The following TEX9 variants were observed in gnomAD, a reference collection of about 807,000 sequenced individuals.
TEX9 encodes the protein testis-expressed protein 9.
TEX9 carries 74 observed loss-of-function variants against 59.6 expected under a neutral mutation model. The observed-to-expected ratio is 1.24, with a 90% CI of 1.03 to 1.51. The LOEUF is 1.51. Among genes scored for constraint, TEX9 ranks in the 40% most tolerant of loss-of-function variants. The pLI is 0.00. For missense variants in TEX9, 522 were observed against 447.8 expected, an observed-to-expected ratio of 1.17 and a Z score of -1.49; for synonymous variants, 186 against 152.2, an observed-to-expected ratio of 1.22 and a Z score of -1.64.
At chr15:56,449,786 A>G (rs1303505758), downstream of TEX9, among the ~76,000 whole-genome samples, 1 of 152,192 alleles carries the variant, frequency 6.6e-6, no homozygotes, top group Non-Finnish European at 1.5e-5. Flanking sequence ...AGTTTGGTAA[A>G]ATGTGCTAAG....
At chr15:56,438,910 C>T (rs1287187628) in intron 12 of TEX9, among the ~76,000 whole-genome samples, 1 of 152,112 alleles carries the variant, frequency 6.6e-6, no homozygotes, top group Non-Finnish European at 1.5e-5. Context: ...CTACTCTCAT[C>T]ACTCTTCTTC....
At chr15:56,456,302 T>C in the TEX9 span, 4 of 1,218,710 alleles carry the variant, frequency 3.3e-6, no homozygotes, top group Non-Finnish European at 4.5e-6. Flanking sequence ...TGAAATGACA[T>C]AAACAAAGAA....
At chr15:56,343,933 GC>G (rs1567092773) in intron 1 of TEX9, among the ~76,000 whole-genome samples, 1 of 152,082 alleles carries the variant, frequency 6.6e-6, no homozygotes, top group African/African-American at 2.4e-5. Flanking sequence ...AACATCTTTA[GC>G]CATCAGGAAA....
At chr15:56,392,738 G>A (rs1337724015) in intron 7 of TEX9, among the ~76,000 whole-genome samples, 1 of 152,146 alleles carries the variant, frequency 6.6e-6, no homozygotes, top group African/African-American at 2.4e-5. Context: ...GTTATGGTAA[G>A]GGAAGGTAAA....
intron 1 of TEX9, among the ~76,000 whole-genome samples, chr15:56,304,502 A>G (rs908532982): frequency 7.2e-5 from 11 of 152,128 alleles, no homozygotes; most frequent in African/African-American, 1.9e-4. Flanking sequence ...AAATGATTAT[A>G]TGGTTTTTGT....
At chr15:56,384,528 G>A (rs900813669) in intron 4 of TEX9, among the ~76,000 whole-genome samples, 5 of 152,174 alleles carry the variant, frequency 3.3e-5, no homozygotes, top group Admixed American at 6.5e-5. Flanking sequence ...TAGAAAAAAG[G>A]ATCTTTCTTC....
chr15:56,383,134 A>G (rs1316490707), intron 3 of TEX9, among the ~76,000 whole-genome samples: 1 of 152,132 alleles, frequency 6.6e-6, no homozygotes, highest in Non-Finnish European at 1.5e-5. Flanking sequence ...ATGGGTACTC[A>G]AAGTCTCCGC....
intron 10 of TEX9, among the ~76,000 whole-genome samples, chr15:56,423,797 G>T (rs1228211522): frequency 6.6e-6 from 1 of 151,940 alleles, no homozygotes; most frequent in East Asian, 1.9e-4. Context: ...CAATCGTTTT[G>T]GGGGAACAGG....
At chr15:56,255,326 G>C (rs1413452587) in intron 1 of TEX9, among the ~76,000 whole-genome samples, 4 of 152,052 alleles carry the variant, frequency 2.6e-5, no homozygotes, top group African/African-American at 9.7e-5. Flanking sequence ...AGAGATAGGA[G>C]GTAAGTTCTA....
chr15:56,270,449 T>G (rs1490795483), intron 1 of TEX9, among the ~76,000 whole-genome samples: 3 of 152,196 alleles, frequency 2.0e-5, no homozygotes, highest in Non-Finnish European at 2.9e-5. Context: ...GTCTGTTTTA[T>G]CAGAGACCAA....
chr15:56,392,869 C>T (rs2048283905), intron 7 of TEX9, among the ~76,000 whole-genome samples: 1 of 152,072 alleles, frequency 6.6e-6, no homozygotes, highest in African/African-American at 2.4e-5. Flanking sequence ...TAGAACTTTG[C>T]CTCCCTGTGT....
chr15:56,262,497 G>A (rs778835808), intron 1 of TEX9, among the ~76,000 whole-genome samples: 38 of 152,120 alleles, frequency 2.5e-4, no homozygotes, highest in Non-Finnish European at 4.4e-4. Context: ...TTTGAAGCTT[G>A]TTCAGGCTTG....
intron 1 of TEX9, among the ~76,000 whole-genome samples, chr15:56,299,874 G>T (rs2045301822): frequency 6.6e-6 from 1 of 152,114 alleles, no homozygotes; most frequent in Non-Finnish European, 1.5e-5. Flanking sequence ...TCTGGGCCCT[G>T]AATAATCATC....
intron 1 of TEX9, among the ~76,000 whole-genome samples, chr15:56,353,920 G>A (rs1380438561): frequency 6.6e-6 from 1 of 152,130 alleles, no homozygotes; most frequent in South Asian, 2.1e-4. Context: ...GCCAGCTTTA[G>A]AGGCCTTTTT....
chr15:56,313,216 C>T (rs545444667), intron 1 of TEX9, among the ~76,000 whole-genome samples: 1 of 144,030 alleles, frequency 6.9e-6, no homozygotes, highest in East Asian at 2.1e-4. Flanking sequence ...GCATCCCTGT[C>T]TTGTGCCAGT....
chr15:56,383,201 G>A (rs139046179), intron 3 of TEX9, among the ~76,000 whole-genome samples: 1 of 152,252 alleles, frequency 6.6e-6, no homozygotes, highest in African/African-American at 2.4e-5. Context: ...ATGCACAGTC[G>A]CCCAGTCACT....
intron 10 of TEX9, among the ~76,000 whole-genome samples, chr15:56,426,044 T>C (rs191258667): frequency 1.3e-5 from 2 of 152,184 alleles, no homozygotes; most frequent in African/African-American, 4.8e-5. Flanking sequence ...CTGTATTTTA[T>C]TCCTCTGCCC....
Position 56,418,376 on chromosome 15 carries a change from G to T in TEX9, c.963+5940G>T, listed in dbSNP as rs984834300. 1.5e-4 allele frequency among the ~76,000 whole-genome samples: 22 copies of T among 151,646 alleles called. 1 individual carries two copies. The highest frequency in any genetic ancestry group is 5.4e-4 in the African/African-American group (22 of 41,074). The stretch of plus-strand genomic sequence containing the variant: ...GAGCTTTGGTAAGGCAGGTCTGGTG[G>T]TAAAGAGTTCCTTCAACATTCACTT... On this transcript the variant is annotated intron_variant, in intron 10 of 12. Coordinates refer to ENST00000352903, the Ensembl canonical transcript of TEX9.
At chr15:56,406,258 A>G (rs1319663196) in intron 9 of TEX9, among the ~76,000 whole-genome samples, 2 of 152,034 alleles carry the variant, frequency 1.3e-5, no homozygotes, top group Non-Finnish European at 2.9e-5. Context: ...AACATTTTTA[A>G]GGTTCATCAA....
Sources: allele counts gnomAD v4.1 joint callset (sites outside exome capture counted in the v4.1 genomes callset), GRCh38; gene constraint gnomAD v4.1.1; transcripts MANE v1.5; gene names NCBI Gene and HGNC (gene_info 2026-07-23, HGNC 2026-07-21).